The following CLUH variants were observed in gnomAD, a reference collection of about 807,000 sequenced individuals.
CLUH encodes CLUH binding protein of NUMT mRNA, also known as clustered mitochondria protein homolog.
In CLUH, 77 loss-of-function variants were observed where a neutral mutation model predicts 139.3. The observed-to-expected ratio is 0.55, with a 90% CI of 0.46 to 0.67. The LOEUF is 0.67. CLUH is among the 30% of genes least tolerant of loss of function. The pLI is 0.00. For synonymous variants in CLUH, 999 were observed against 801.6 expected, an observed-to-expected ratio of 1.25 and a Z score of -4.16; for missense variants, 1,876 against 1,875.8, an observed-to-expected ratio of 1.00 and a Z score of 0.00.
Position 2,706,163 on chromosome 17 carries a change from G to A in CLUH, c.101-1599C>T, listed in dbSNP as rs150624327. Reference sequence around the variant, plus strand: ...GGGGACAGGTGCCTTTCCCAGAACTGTGTGGTCCCAATCCGGACCCACCAG... The same window carrying A: ...GGGGACAGGTGCCTTTCCCAGAACTATGTGGTCCCAATCCGGACCCACCAG... On this transcript the variant is annotated intron_variant, in intron 1 of 25. Transcript: ENST00000651024. The surrounding 1 kb of genome is among the most constrained non-coding windows in gnomAD (Gnocchi z 4.6). Among the ~76,000 whole-genome samples the A allele has an allele frequency of 6.0e-4, 91 of 152,196 alleles. No individual in the cohort carries two copies. The highest frequency in any genetic ancestry group is 1.0e-3 in the South Asian group (5 of 4,830).
intron 24 of CLUH, 37 bp from the exon 25 acceptor site, chr17:2,691,719 C>CA: frequency 1.9e-6 from 3 of 1,604,302 alleles, no homozygotes; most frequent in Non-Finnish European, 2.6e-6. Flanking sequence ...GCGGGGCTCC[C>CA]GCGCTCGCCG....
In CLUH at chr17:2,698,463, C is replaced by G; in HGVS notation, c.1394G>C (p.Ser465Thr). The change falls in exon 10 of 26, where the codon AGC becomes ACC. Residue 465 changes from serine (S) to threonine (T), a missense_variant. Physicochemically the swap from Ser to Thr is moderately conservative, Grantham distance 58. Coordinates refer to ENST00000651024, the MANE Select transcript of CLUH (RefSeq NM_001366661.1). ...GTGGTCTCGGACGTCGAAGCCCAGGCTGAAGAAGATGTTGTTCCAGATGAA... is the reference window on the plus strand; with the variant it reads ...GTGGTCTCGGACGTCGAAGCCCAGGGTGAAGAAGATGTTGTTCCAGATGAA... ...QMFIWNNIFFSLGFDVRDHYK... is the reference protein window; with the variant it reads ...QMFIWNNIFFTLGFDVRDHYK... The G allele has an allele frequency of 6.2e-7, 1 of 1,613,328 alleles. No homozygotes were observed. The highest frequency in any genetic ancestry group is 8.5e-7 in the Non-Finnish European group (1 of 1,179,842).
Position 2,707,369 on chromosome 17 carries a change from G to A in CLUH, c.101-2805C>T. On this transcript the variant is annotated intron_variant, in intron 1 of 25. Coordinates refer to ENST00000651024, the MANE Select transcript of CLUH (RefSeq NM_001366661.1). This position sits in a 1 kb window ranked among gnomAD's most constrained non-coding sequence, Gnocchi z 7.4. ...TGGCTTCGGGTTTCAGTGGGGCCAG[G>A]CCTGCCATGGCAGCCCCAGGAAGGG... The A allele has an allele frequency of 1.0e-6, 1 of 985,314 alleles. No individual in the cohort carries two copies. Among genetic ancestry groups the A allele is most frequent in the Non-Finnish European group, 1.2e-6 (1 of 829,882 alleles). The allele number at this position is 985,314 out of a possible 1,614,324, so 61.0% of individuals were successfully genotyped here. A position where few individuals can be genotyped will look rare whatever the true frequency, so the allele number is the denominator to read the frequency against.
At chr17:2,692,720 C>T in intron 20 of CLUH, 24 bp from the exon 21 acceptor site, 3 of 1,606,044 alleles carry the variant, frequency 1.9e-6, no homozygotes, top group Non-Finnish European at 2.6e-6. Flanking sequence ...GGAGACAGGT[C>T]AGGGTGGCCG....
At position 2,704,647 on chromosome 17, in the gene CLUH, GC is replaced by G; in HGVS notation, c.101-84del. ...CGCCTGACCCCACACGGGGACACGT[GC>G]CTTCTGGAAAGGCATCTGCATGCCC... is the stretch of plus-strand genomic sequence containing the variant. On this transcript the variant is annotated intron_variant, in intron 1 of 25. Coordinates refer to ENST00000651024, the MANE Select transcript of CLUH (RefSeq NM_001366661.1). The surrounding 1 kb of genome is among the most constrained non-coding windows in gnomAD (Gnocchi z 5.7). 2 of 1,345,390 alleles carry G rather than the reference GC, an allele frequency of 1.5e-6. No homozygotes were observed. The highest frequency in any genetic ancestry group is 2.8e-5 in the South Asian group (2 of 70,458). 83.3% of individuals were successfully genotyped at this position (1,345,390 alleles called of 1,614,324 possible). A position where few individuals can be genotyped will look rare whatever the true frequency, so the allele number is the denominator to read the frequency against.
chr17:2,691,959 A>ACGCCCC (rs1567575799), intron 23 of CLUH, 45 bp downstream of exon 23: 9 of 380,174 alleles, frequency 2.4e-5, no homozygotes, highest in Admixed American at 1.1e-4. Flanking sequence ...CCGCCCCGCC[A>ACGCCCC]CGCCCCCGCC....
rs113374324 is a variant in CLUH at position 2,692,779 on chromosome 17, C to G, written c.3312+1G>C. 1 of 1,601,560 alleles carries G rather than the reference C, an allele frequency of 6.2e-7. No homozygotes were observed. Among genetic ancestry groups the G allele is most frequent in the Non-Finnish European group, 8.5e-7 (1 of 1,171,704 alleles). ...CGGCGCGGGCGGCACTCGCGACTCA[C>G]GTATTCCTGGATGGTGTTGGGGTGC... On this transcript the variant is annotated splice_donor_variant, in intron 20 of 25. Coordinates refer to ENST00000651024, the MANE Select transcript of CLUH (RefSeq NM_001366661.1). LOFTEE classifies it high-confidence loss of function.
At chr17:2,697,776 A>T (rs1232617332) in intron 10 of CLUH, 120 bp downstream of exon 10, 15 of 967,600 alleles carry the variant, frequency 1.6e-5, no homozygotes, top group Non-Finnish European at 2.2e-5. Context: ...CTGTGGCTAG[A>T]CGGAGCCCTT....
Position 2,700,439 on chromosome 17 carries a change from C to A in CLUH, c.1209G>T (p.Arg403Ser). The A allele has an allele frequency of 6.2e-7, 1 of 1,613,306 alleles. No homozygotes were observed. Among genetic ancestry groups the A allele is most frequent in the Non-Finnish European group, 8.5e-7 (1 of 1,179,816 alleles). ...CAGGCAGGTTCTTGCGAGGCAGCTC[C>A]CTCGTCGTCTGCAGCTCCTCATTCC... ...RDWNEELQTTRELPRKNLPER... is the reference protein window; with the variant it reads ...RDWNEELQTTSELPRKNLPER... Residue 403 changes from arginine to serine, a missense_variant, in exon 9 of 26, where the codon AGG (arginine) becomes AGT (serine). Around this residue, in one of 3 missense-constraint regions of CLUH, gnomAD observed 1,454 missense variants for 1,384.4 expected, o/e 1.05. Transcript: ENST00000651024.
At position 2,694,936 on chromosome 17, in the gene CLUH, A is replaced by G. The variant is rs1435496571; in HGVS notation, c.2773T>C (p.Trp925Arg). The G allele has an allele frequency of 6.3e-7, 1 of 1,596,902 alleles. No individual in the cohort carries two copies. The stretch of plus-strand genomic sequence containing the variant: ...AGCTCCTGGGGGGTCATGACAGCCC[A>G]GGCTGTGTTATCTGCAGCCCCCGGG... Reference protein sequence around the residue: ...RPPGAADNTAWAVMTPQELWK... With the variant: ...RPPGAADNTARAVMTPQELWK... Residue 925 changes from tryptophan to arginine, a missense_variant, in exon 16 of 26, where the codon TGG (tryptophan) becomes CGG (arginine). Coordinates refer to ENST00000651024, the MANE Select transcript of CLUH (RefSeq NM_001366661.1).
intron 7 of CLUH, 34 bp downstream of exon 7, chr17:2,701,106 C>T (rs566881185): frequency 3.1e-6 from 5 of 1,613,336 alleles, no homozygotes; most frequent in Admixed American, 1.7e-5. Flanking sequence ...CCCCGTGTGC[C>T]ATGAGACAAG....
intron 17 of CLUH, 84 bp from the exon 18 acceptor site, chr17:2,694,360 C>T (rs918846092): frequency 1.3e-6 from 2 of 1,522,256 alleles, no homozygotes; most frequent in African/African-American, 1.4e-5. Flanking sequence ...CGCTTGCGCA[C>T]AGACGGCTAC....
chr17:2,708,303 T>C (rs1400199609), intron 1 of CLUH, among the ~76,000 whole-genome samples: 3 of 152,136 alleles, frequency 2.0e-5, no homozygotes, highest in East Asian at 3.9e-4. Context: ...GGACCAGGCC[T>C]AGACAGAGCC....
In CLUH at chr17:2,701,602, C is replaced by A. The variant is rs930884105; in HGVS notation, c.744+11G>T. The A allele has an allele frequency of 6.2e-7, 1 of 1,610,128 alleles. No homozygotes were observed. The highest frequency in any genetic ancestry group is 1.1e-5 in the South Asian group (1 of 90,302). ...CCAGGGACCCTCTTCCTCCCTCCCC[C>A]AGGATCCTACCTTCCAGTCACGGTT... On this transcript the variant is annotated intron_variant, in intron 5 of 25. Coordinates refer to ENST00000651024, the MANE Select transcript of CLUH (RefSeq NM_001366661.1).
At chr17:2,691,469 G>C (rs2069630058) in intron 25 of CLUH, 140 bp downstream of exon 25, 2 of 807,584 alleles carry the variant, frequency 2.5e-6, no homozygotes, top group South Asian at 3.1e-5. Flanking sequence ...GGCTGAGGCA[G>C]GAGAATCGCT....
Position 2,692,479 on chromosome 17 carries a change from T to C in CLUH, c.3442A>G (p.Asn1148Asp). The C allele has an allele frequency of 6.3e-7, 1 of 1,598,216 alleles. No individual in the cohort carries two copies. The highest frequency in any genetic ancestry group is 1.1e-5 in the South Asian group (1 of 90,892). Reference sequence around the variant, plus strand: ...ACCCCGTGCAGCACCAGCCCGATGTTGTTCTGGGGGCAGGCGGTGGGGGGC... The same window carrying C: ...ACCCCGTGCAGCACCAGCCCGATGTCGTTCTGGGGGCAGGCGGTGGGGGGC... ...DHPEMALLDN[N>D]IGLVLHGVME... is the part of the protein sequence containing the mutation. Residue 1148 changes from asparagine (N) to aspartate (D), a missense_variant, in exon 22 of 26, where the codon AAC (asparagine) becomes GAC (aspartate). Asn to Asp is a conservative substitution (Grantham distance 23). Coordinates refer to ENST00000651024, the MANE Select transcript of CLUH (RefSeq NM_001366661.1).
chr17:2,707,632 C>G lies in CLUH; in HGVS notation c.101-3068G>C. 2.0e-6 allele frequency: 2 copies of G among 985,366 alleles called. No individual in the cohort carries two copies. Among genetic ancestry groups the G allele is most frequent in the Non-Finnish European group, 2.4e-6 (2 of 829,876 alleles). 61.0% of individuals were successfully genotyped at this position (985,366 alleles called of 1,614,324 possible). The stretch of plus-strand genomic sequence containing the variant: ...GGCCTAGGAGACTGGCTGGCAGGGG[C>G]AGGGCCCAGCAAGGGGGTCCTCTCC... On this transcript the variant is annotated intron_variant, in intron 1 of 25. Transcript: ENST00000651024. The surrounding 1 kb of genome is among the most constrained non-coding windows in gnomAD (Gnocchi z 7.4).
chr17:2,702,958 G>C (rs1272559685), intron 3 of CLUH, among the ~76,000 whole-genome samples: 1 of 152,108 alleles, frequency 6.6e-6, no homozygotes, highest in Non-Finnish European at 1.5e-5. Context: ...CCGAGTAGCT[G>C]GGATTACAGG....
At position 2,695,692 on chromosome 17, in the gene CLUH, G is replaced by A. The variant is rs137892182; in HGVS notation, c.2392-166C>T. On this transcript the variant is annotated intron_variant, in intron 13 of 25. Transcript: ENST00000651024. ...TGCCCAGCCTCTGGCAGGAGCGCAG[G>A]CCAAGAACCAAGAGCCCGGTGGTGG... is the stretch of plus-strand genomic sequence containing the variant. 2.4e-5 allele frequency: 23 copies of A among 954,236 alleles called. No individual in the cohort carries two copies. The East Asian group carries it at 2.6e-4, about 11-fold the overall frequency. The allele number at this position is 954,236 out of a possible 1,614,324, so 59.1% of individuals were successfully genotyped here.
Sources: gnomAD v4.1 joint callset for allele counts (sites outside exome capture counted in the v4.1 genomes callset) on GRCh38, gnomAD v4.1.1 for gene constraint, gnomAD v4.1.1 regional missense constraint, Gnocchi (gnomAD v3.1) non-coding constraint, MANE v1.5 for transcripts, NCBI Gene and HGNC (gene_info 2026-07-23, HGNC 2026-07-21) for gene names.